Variants in PCDHA5 observed in about 807,000 individuals in gnomAD.
PCDHA5 encodes the protein protocadherin alpha 5, also known as protocadherin alpha-5.
A neutral mutation model predicts 61.6 loss-of-function variants in PCDHA5; 43 were observed. The observed-to-expected ratio is 0.70, with a 90% CI of 0.55 to 0.90. The LOEUF (loss-of-function observed/expected upper bound fraction) is 0.90, where lower values mean the gene tolerates loss of function less well. PCDHA5 is among the 40% of genes least tolerant of loss of function. The pLI is 0.00. For missense variants in PCDHA5, 1,298 were observed against 1,222.7 expected (o/e 1.06, Z -0.92); for synonymous variants, 627 against 543.9 (o/e 1.15, Z -2.13).
In PCDHA5 at chr5:140,830,166, C is replaced by T. The variant is rs144102346; in HGVS notation, c.2352+6039C>T. Reference sequence around the variant, plus strand: ...GTGGGCGCCGCGGGCCCAGAGGCGGCGCTGGTGGATGTCAACGTGTACCTG... The same window carrying T: ...GTGGGCGCCGCGGGCCCAGAGGCGGTGCTGGTGGATGTCAACGTGTACCTG... On this transcript the variant is annotated intron_variant, in intron 1 of 3. Transcript: ENST00000529859. 1.9e-4 allele frequency: 303 copies of T among 1,613,518 alleles called. 1 individual carries two copies. The African/African-American group carries it at 3.5e-3, about 18-fold the overall frequency.
At chr5:140,846,379 T>C (rs1554141291) in intron 1 of PCDHA5, among the ~76,000 whole-genome samples, 2 of 135,592 alleles carry the variant, frequency 1.5e-5, no homozygotes, top group South Asian at 2.3e-4. Context: ...CTTTCTTTTT[T>C]TTTTTTTTTT....
chr5:140,926,944 G>A, intron 1 of PCDHA5: 1 of 1,588,324 alleles, frequency 6.3e-7, no homozygotes, highest in Non-Finnish European at 8.6e-7. Flanking sequence ...CTGCGGCGCT[G>A]CAGCGGGACA....
Position 141,003,329 on chromosome 5 carries a change from T to C in PCDHA5, c.2501-6298T>C, listed in dbSNP as rs571160293. On this transcript the variant is annotated intron_variant, in intron 3 of 3. Transcript: ENST00000529859. ...GGCCAGCTACTTCCAGAGGGCAGGG[T>C]TTTTTGTTTGTTTGCTCTGTCACCC... Among the ~76,000 whole-genome samples the C allele has an allele frequency of 7.2e-5, 11 of 152,118 alleles. No homozygotes were observed. The South Asian group carries it at 2.3e-3, about 32-fold the overall frequency.
Position 140,877,183 on chromosome 5 carries a change from G to A in PCDHA5, c.2352+53056G>A, listed in dbSNP as rs201399892. 787 of 1,613,846 alleles carry A rather than the reference G, an allele frequency of 4.9e-4. 5 individuals are homozygous for A. The African/African-American group carries it at 9.2e-3, about 19-fold the overall frequency. ...GCCGGCACTGCTGGCGACTCCGGCT[G>A]GCAGCGCAGGAGGCGCAGTTAGCGA... On this transcript the variant is annotated intron_variant, in intron 1 of 3. Transcript: ENST00000529859.
At chr5:140,879,099 A>G (rs1255546668) in intron 1 of PCDHA5, among the ~76,000 whole-genome samples, 1 of 152,242 alleles carries the variant, frequency 6.6e-6, no homozygotes, top group Non-Finnish European at 1.5e-5. Flanking sequence ...ACTGCACAGT[A>G]TATGGTGTAA....
intron 1 of PCDHA5, among the ~76,000 whole-genome samples, chr5:140,947,554 G>T (rs977454594): frequency 1.3e-5 from 2 of 151,358 alleles, no homozygotes; most frequent in Non-Finnish European, 3.0e-5. Flanking sequence ...AATTCCGCTG[G>T]GATTTATATT....
intron 1 of PCDHA5, among the ~76,000 whole-genome samples, chr5:140,886,739 T>C (rs1411142692): frequency 6.6e-6 from 1 of 151,488 alleles, no homozygotes; most frequent in Non-Finnish European, 1.5e-5. Context: ...AGCAAGAGAA[T>C]TGCTTGAACC....
At chr5:140,851,402 T>C (rs2042052947) in intron 1 of PCDHA5, 2 of 969,750 alleles carry the variant, frequency 2.1e-6, no homozygotes. Flanking sequence ...ATTATTTTAA[T>C]AAGAAAGAAA....
chr5:140,995,073 CA>C (rs537697820), intron 3 of PCDHA5, among the ~76,000 whole-genome samples: 319 of 152,298 alleles, frequency 2.1e-3, no homozygotes, highest in African/African-American at 7.3e-3. Flanking sequence ...CAACCTACAG[CA>C]ATCCAAACTT....
intron 1 of PCDHA5, chr5:140,853,685 C>T (rs1554146805): frequency 1.0e-6 from 1 of 988,006 alleles, no homozygotes; most frequent in Non-Finnish European, 1.2e-6. Context: ...TCAACCTATC[C>T]TTAGACCTGC....
intron 3 of PCDHA5, among the ~76,000 whole-genome samples, chr5:141,007,395 CAAAAAAA>C (rs35800918): frequency 2.2e-3 from 204 of 94,846 alleles, no homozygotes; most frequent in African/African-American, 7.3e-3. Flanking sequence ...TACTAAAATA[CAAAAAAA>C]AAAAAAAAAA....
Position 140,857,830 on chromosome 5 carries a change from C to G in PCDHA5, c.2352+33703C>G, listed in dbSNP as rs782060681. On this transcript the variant is annotated intron_variant, in intron 1 of 3. Coordinates refer to ENST00000529859, the MANE Select transcript of PCDHA5 (RefSeq NM_018908.3). ...CGGGTCACGTGGTGGCTAAGGTGCG[C>G]GCAGTGGACGCTGACTCTGGATACA... is the stretch of plus-strand genomic sequence containing the variant. 1.6e-5 allele frequency: 26 copies of G among 1,597,596 alleles called. 3 individuals carry two copies. The highest frequency in any genetic ancestry group is 2.1e-5 in the Non-Finnish European group (25 of 1,167,516).
At chr5:140,854,786 T>C (rs1450624058) in intron 1 of PCDHA5, 1 of 149,564 alleles carries the variant, frequency 6.7e-6, no homozygotes, top group Admixed American at 6.7e-5. Context: ...TTCAAGAACT[T>C]TGAGAGAGAA....
intron 1 of PCDHA5, among the ~76,000 whole-genome samples, chr5:140,941,032 T>C (rs1321810263): frequency 6.6e-6 from 1 of 152,222 alleles, no homozygotes; most frequent in Non-Finnish European, 1.5e-5. Flanking sequence ...CTGGCCTTTT[T>C]GGTGCCAAGT....
chr5:141,003,520 C>G (rs1171208921), intron 3 of PCDHA5, among the ~76,000 whole-genome samples: 2 of 152,244 alleles, frequency 1.3e-5, no homozygotes, highest in Middle Eastern at 3.4e-3. Flanking sequence ...ACCATGTTCC[C>G]TAGGCTGGTC....
intron 1 of PCDHA5, among the ~76,000 whole-genome samples, chr5:140,961,529 T>C (rs1208334511): frequency 2.6e-5 from 4 of 152,244 alleles, no homozygotes; most frequent in Admixed American, 1.3e-4. Flanking sequence ...AAATTCTAGA[T>C]AGACTGTTCC....
chr5:140,884,335 A>G, intron 1 of PCDHA5: 1 of 1,613,888 alleles, frequency 6.2e-7, no homozygotes, highest in Non-Finnish European at 8.5e-7. Flanking sequence ...CTGTGGGTCC[A>G]GAAGCGGCGC....
intron 1 of PCDHA5, among the ~76,000 whole-genome samples, chr5:140,935,731 T>C (rs923257790): frequency 2.6e-5 from 4 of 152,202 alleles, no homozygotes; most frequent in Non-Finnish European, 4.4e-5. Context: ...AGAAGTCTAG[T>C]ATCTATTATT....
chr5:140,923,306 C>T (rs572766829), intron 1 of PCDHA5, among the ~76,000 whole-genome samples: 1 of 152,098 alleles, frequency 6.6e-6, no homozygotes, highest in East Asian at 1.9e-4. Flanking sequence ...GGCGTGGGGG[C>T]GCTTGGCCTA....
Sources: gnomAD v4.1 joint callset for allele counts (sites outside exome capture counted in the v4.1 genomes callset) on GRCh38, gnomAD v4.1.1 for gene constraint, MANE v1.5 for transcripts, NCBI Gene and HGNC (gene_info 2026-07-23, HGNC 2026-07-21) for gene names.